CCDC91: variants seen among roughly 807,000 people sequenced by gnomAD.
CCDC91 encodes the protein coiled-coil domain-containing protein 91.
A neutral mutation model predicts 63.2 loss-of-function variants in CCDC91; 48 were observed. That is an observed-to-expected ratio of 0.76 (90% confidence interval 0.60 to 0.97). The LOEUF (loss-of-function observed/expected upper bound fraction) is 0.97. Among genes scored for constraint, CCDC91 ranks in the 50% least tolerant of loss-of-function variants. The probability of loss-of-function intolerance (pLI) is 0.00; values close to 1 mark genes in which losing one functional copy is unlikely to be tolerated. For missense variants in CCDC91, 500 were observed against 494.6 expected, an observed-to-expected ratio of 1.01 and a Z score of -0.10; for synonymous variants, 167 against 165.8, an observed-to-expected ratio of 1.01 and a Z score of -0.06.
Position 28,203,644 on chromosome 12 carries a change from G to A in CCDC91, c.-15+13003G>A, listed in dbSNP as rs886887040. Among the ~76,000 whole-genome samples, 35 of 152,170 alleles carry A rather than the reference G, an allele frequency of 2.3e-4. 1 individual carries two copies. Among genetic ancestry groups the A allele is most frequent in the Admixed American group, 6.5e-4 (10 of 15,278 alleles). On this transcript the variant is annotated intron_variant, in intron 1 of 12. Coordinates refer to ENST00000536442, the MANE Select transcript of CCDC91 (RefSeq NM_018318.5). The stretch of plus-strand genomic sequence containing the variant: ...AATTTAGGGAGGTGTCTGCAGTATA[G>A]TTAGGAATTTATACATGTAGAAAAA...
chr12:28,215,562 T>C (rs1943508335), intron 1 of CCDC91, among the ~76,000 whole-genome samples: 1 of 152,072 alleles, frequency 6.6e-6, no homozygotes, highest in Admixed American at 6.6e-5. Context: ...TTAAGAAGAG[T>C]GGCCTTTAGC....
rs553111650 is a variant in CCDC91, at chr12:28,264,189, T to G, written c.109+4747T>G. The stretch of plus-strand genomic sequence containing the variant: ...GAGACTAGACTAAATTTTAGTTTAA[T>G]ATATTACAGGTCTAGAAGGAATAAG... On this transcript the variant is annotated intron_variant, in intron 3 of 12. Transcript: ENST00000536442. Among the ~76,000 whole-genome samples the G allele has an allele frequency of 2.0e-5, 3 of 151,840 alleles. No homozygotes were observed. The South Asian group carries it at 6.2e-4, about 32-fold the overall frequency.
intron 1 of CCDC91, among the ~76,000 whole-genome samples, chr12:28,209,513 C>T (rs1225766091): frequency 6.6e-6 from 1 of 151,356 alleles, no homozygotes; most frequent in Non-Finnish European, 1.5e-5. Flanking sequence ...CTCACTGCAA[C>T]CTCGGCCCCT....
chr12:28,206,660 C>T (rs1942878167), intron 1 of CCDC91, among the ~76,000 whole-genome samples: 2 of 152,062 alleles, frequency 1.3e-5, no homozygotes, highest in African/African-American at 4.8e-5. Flanking sequence ...TCTATAATAC[C>T]TGATGTTTTC....
At chr12:28,456,195 T>C (rs1190397616) in intron 11 of CCDC91, among the ~76,000 whole-genome samples, 1 of 152,192 alleles carries the variant, frequency 6.6e-6, no homozygotes, top group African/African-American at 2.4e-5. Context: ...GTTTTGGCAC[T>C]GTTACACGTT....
At chr12:28,368,136 C>T (rs931972457) in intron 7 of CCDC91, among the ~76,000 whole-genome samples, 2 of 152,042 alleles carry the variant, frequency 1.3e-5, no homozygotes, top group African/African-American at 4.8e-5. Flanking sequence ...CTTCCCTCAA[C>T]CAAAAATTGA....
intron 3 of CCDC91, among the ~76,000 whole-genome samples, chr12:28,260,658 G>C (rs1001649303): frequency 7.2e-5 from 11 of 151,872 alleles, no homozygotes; most frequent in Admixed American, 1.3e-4. Flanking sequence ...CAAGTTTTGT[G>C]GGTTAGCCAC....
At chr12:28,319,189 A>C (rs1202117541) in intron 6 of CCDC91, 1 of 152,004 alleles carries the variant, frequency 6.6e-6, no homozygotes, top group African/African-American at 2.4e-5. Context: ...CGGTGAATTT[A>C]AGCAAATAAA....
Position 28,353,912 on chromosome 12 carries a change from G to T in CCDC91, c.577-8526G>T, listed in dbSNP as rs1202526249. Among the ~76,000 whole-genome samples the T allele has an allele frequency of 2.0e-5, 3 of 152,094 alleles. No homozygotes were observed. In the East Asian group the frequency reaches 5.8e-4, roughly 29 times the overall value. On this transcript the variant is annotated intron_variant, in intron 6 of 12. Transcript: ENST00000536442. ...CCAATTGGAAGGTGGAGGGTGGGAG[G>T]AGGGAGAGGATCAGGAAAAACAACG...
At chr12:28,194,831 C>A (rs1431201867) in intron 1 of CCDC91, among the ~76,000 whole-genome samples, 11 of 150,876 alleles carry the variant, frequency 7.3e-5, no homozygotes, top group African/African-American at 2.4e-4. Flanking sequence ...ATTGTTATAG[C>A]TCGTAAAGGT....
Position 28,310,464 on chromosome 12 carries a change from C to A in CCDC91, c.576+2715C>A, listed in dbSNP as rs79832552. 3.3e-3 allele frequency among the ~76,000 whole-genome samples: 501 copies of A among 152,122 alleles called. 3 individuals are homozygous for A. The highest frequency in any genetic ancestry group is 5.5e-3 in the Non-Finnish European group (372 of 67,974). ...CAAAGCTAGTTCCTTTTGTAGGAAT[C>A]AGTACTTTCAAAGAAAACTTTTTTC... is the stretch of plus-strand genomic sequence containing the variant. On this transcript the variant is annotated intron_variant, in intron 6 of 12. Coordinates refer to ENST00000536442, the MANE Select transcript of CCDC91 (RefSeq NM_018318.5).
rs1949729725 is a variant in CCDC91 at position 28,450,169 on chromosome 12, G to C, written c.771G>C (p.Arg257Ser). 1.8e-5 allele frequency: 29 copies of C among 1,596,638 alleles called. No individual in the cohort carries two copies. The highest frequency in any genetic ancestry group is 2.5e-5 in the Non-Finnish European group (29 of 1,170,202). The part of the protein sequence containing the change: ...CEELLNAQHQ[R>S]LLEMLDTEKE... ...CTTATCATTCCTTGTAGCATCAGAG[G>C]CTCCTTGAAATGCTAGATACAGAGA... The change falls in exon 9 of 13, where the codon AGG becomes AGC. Residue 257 changes from arginine (R) to serine (S), a missense_variant. Physicochemically the swap from Arg to Ser is moderately radical, Grantham distance 110. Coordinates refer to ENST00000536442, the MANE Select transcript of CCDC91 (RefSeq NM_018318.5).
chr12:28,240,616 AT>A (rs1164231249), intron 1 of CCDC91, among the ~76,000 whole-genome samples: 1 of 152,020 alleles, frequency 6.6e-6, no homozygotes, highest in African/African-American at 2.4e-5. Flanking sequence ...GGAATCGTGC[AT>A]TATGTGACCT....
intron 1 of CCDC91, among the ~76,000 whole-genome samples, chr12:28,204,894 A>T (rs1180178366): frequency 1.3e-5 from 2 of 152,202 alleles, no homozygotes; most frequent in Non-Finnish European, 2.9e-5. Flanking sequence ...CAATTATAGG[A>T]ATTTAGTAAA....
chr12:28,354,570 A>G (rs531120624), intron 6 of CCDC91, among the ~76,000 whole-genome samples: 1 of 152,322 alleles, frequency 6.6e-6, no homozygotes, highest in African/African-American at 2.4e-5. Context: ...TATGAAGGCA[A>G]ATAATAATAC....
At chr12:28,300,217 G>T (rs1937906506) in intron 3 of CCDC91, among the ~76,000 whole-genome samples, 2 of 151,322 alleles carry the variant, frequency 1.3e-5, no homozygotes, top group African/African-American at 4.8e-5. Flanking sequence ...TTAGATCCCT[G>T]ATCCTCTTTG....
intron 12 of CCDC91, among the ~76,000 whole-genome samples, chr12:28,500,326 G>A (rs1937649172): frequency 6.6e-6 from 1 of 151,732 alleles, no homozygotes; most frequent in Non-Finnish European, 1.5e-5. Context: ...TTCTTTTGCT[G>A]TGCAGAAGCT....
chr12:28,267,848 TATAG>T (rs1565700291), intron 3 of CCDC91, among the ~76,000 whole-genome samples: 4 of 15,058 alleles, frequency 2.7e-4, no homozygotes, highest in Admixed American at 1.3e-3. Context: ...TATATAATTA[TATAG>T]TAATATATAA....
chr12:28,250,036 A>AT (rs1283918729), intron 1 of CCDC91, among the ~76,000 whole-genome samples: 2 of 152,102 alleles, frequency 1.3e-5, no homozygotes, highest in Admixed American at 6.6e-5. Context: ...GAGGGCATAC[A>AT]TTTTTTGAAG....
Sources: gnomAD v4.1 joint callset for allele counts (sites outside exome capture counted in the v4.1 genomes callset) on GRCh38, gnomAD v4.1.1 for gene constraint, MANE v1.5 for transcripts, NCBI Gene and HGNC (gene_info 2026-07-23, HGNC 2026-07-21) for gene names.